Variants in PEBP4 observed in about 807,000 individuals in gnomAD.
The protein encoded by PEBP4 is phosphatidylethanolamine-binding protein 4.
Under a neutral mutation model 23.9 loss-of-function variants are expected in PEBP4, and 22 were observed. The ratio of observed to expected loss-of-function variants is 0.92; its 90% CI spans 0.66 to 1.31. PEBP4 has a LOEUF of 1.31. Ranked by LOEUF, PEBP4 falls within the 40% of genes most tolerant of loss-of-function variation. The pLI, the probability that PEBP4 is intolerant of heterozygous loss-of-function variation, is 0.00. For missense variants in PEBP4, 324 were observed against 281.7 expected, an observed-to-expected ratio of 1.15 and a Z score of -1.07; for synonymous variants, 112 against 99.3, an observed-to-expected ratio of 1.13 and a Z score of -0.76.
At chr8:22,831,531 T>C (rs1287089269) in intron 3 of PEBP4, among the ~76,000 whole-genome samples, 1 of 152,176 alleles carries the variant, frequency 6.6e-6, no homozygotes, top group East Asian at 1.9e-4. Flanking sequence ...CTAAGCACCA[T>C]GCTAAGGGCT....
At chr8:22,821,509 C>T (rs1325099374) in intron 3 of PEBP4, among the ~76,000 whole-genome samples, 1 of 152,108 alleles carries the variant, frequency 6.6e-6, no homozygotes, top group Non-Finnish European at 1.5e-5. Flanking sequence ...GACAGTGAGG[C>T]AGTGAGTTTG....
intron 3 of PEBP4, among the ~76,000 whole-genome samples, chr8:22,903,391 T>C (rs1808748815): frequency 1.3e-5 from 2 of 152,166 alleles, no homozygotes; most frequent in Non-Finnish European, 2.9e-5. Context: ...GTCTGGCACA[T>C]GTCAGTGTGT....
At chr8:22,925,632 G>C (rs1809310967) in intron 2 of PEBP4, among the ~76,000 whole-genome samples, 1 of 152,306 alleles carries the variant, frequency 6.6e-6, no homozygotes, top group South Asian at 2.1e-4. Context: ...ACCAACATGT[G>C]ATCTTGGCAG....
At chr8:22,901,448 A>C (rs567340996) in intron 3 of PEBP4, among the ~76,000 whole-genome samples, 1 of 152,256 alleles carries the variant, frequency 6.6e-6, no homozygotes, top group Admixed American at 6.5e-5. Context: ...TCGGTCCTGC[A>C]GGGAGTGTGT....
chr8:22,817,479 G>A (rs1806767374), intron 4 of PEBP4, among the ~76,000 whole-genome samples, 158 bp downstream of exon 4: 1 of 152,170 alleles, frequency 6.6e-6, no homozygotes, highest in South Asian at 2.1e-4. Flanking sequence ...TGAAATTGTT[G>A]GAAAACTTGG....
Position 22,839,575 on chromosome 8 carries a change from G to A in PEBP4, c.259-21840C>T, listed in dbSNP as rs190229146. On this transcript the variant is annotated intron_variant, in intron 3 of 6. Transcript: ENST00000256404. ...ACAACATAGTGAGGGTTCTTCTGGCGAAAAGGACTACAAGGGATGATGAAG... is the reference window on the plus strand; with the variant it reads ...ACAACATAGTGAGGGTTCTTCTGGCAAAAAGGACTACAAGGGATGATGAAG... Among the ~76,000 whole-genome samples the A allele has an allele frequency of 9.8e-4, 150 of 152,302 alleles. 1 individual carries two copies. Among genetic ancestry groups the A allele is most frequent in the African/African-American group, 3.2e-3 (135 of 41,558 alleles).
At chr8:22,916,656 A>ATTCC (rs1248326841) in intron 3 of PEBP4, among the ~76,000 whole-genome samples, 4 of 152,004 alleles carry the variant, frequency 2.6e-5, no homozygotes, top group African/African-American at 7.3e-5. Flanking sequence ...TCATTCATTC[A>ATTCC]TTCATTCATT....
chr8:22,773,495 C>T (rs1805756404), intron 4 of PEBP4, among the ~76,000 whole-genome samples: 1 of 152,140 alleles, frequency 6.6e-6, no homozygotes. Context: ...GATTTCTCAG[C>T]AGGCTCCTGG....
At chr8:22,847,625 AAG>A (rs1397169509) in intron 3 of PEBP4, among the ~76,000 whole-genome samples, 1 of 152,152 alleles carries the variant, frequency 6.6e-6, no homozygotes, top group Non-Finnish European at 1.5e-5. Context: ...TTCATGAGGC[AAG>A]AGAGAGTCAC....
At chr8:22,876,737 TC>T (rs1195463486) in intron 3 of PEBP4, among the ~76,000 whole-genome samples, 3 of 152,226 alleles carry the variant, frequency 2.0e-5, no homozygotes, top group African/African-American at 7.2e-5. Context: ...GGAATTATTT[TC>T]TCCACTGTTT....
chr8:22,839,907 G>A (rs560736641), intron 3 of PEBP4, among the ~76,000 whole-genome samples: 23 of 152,308 alleles, frequency 1.5e-4, no homozygotes, highest in Non-Finnish European at 3.1e-4. Flanking sequence ...CTTTTTAGGA[G>A]TGAACTTGTT....
intron 3 of PEBP4, among the ~76,000 whole-genome samples, chr8:22,834,523 G>A (rs189171418): frequency 5.3e-5 from 8 of 152,322 alleles, no homozygotes; most frequent in East Asian, 1.9e-4. Context: ...TGAGAAAGAG[G>A]TATTGTGCAG....
chr8:22,748,587 C>T (rs140356184), intron 4 of PEBP4, among the ~76,000 whole-genome samples: 241 of 150,970 alleles, frequency 1.6e-3, no homozygotes, highest in African/African-American at 5.6e-3. Flanking sequence ...CTAGGTTGCA[C>T]ATGATGAGGG....
At chr8:22,717,663 T>C (rs957431443) in intron 6 of PEBP4, among the ~76,000 whole-genome samples, 1 of 152,196 alleles carries the variant, frequency 6.6e-6, no homozygotes, top group Admixed American at 6.5e-5. Flanking sequence ...GGCCACTGGT[T>C]CTGGCTCCGG....
At chr8:22,916,907 G>C (rs1364910045) in intron 3 of PEBP4, among the ~76,000 whole-genome samples, 1 of 152,224 alleles carries the variant, frequency 6.6e-6, no homozygotes, top group Non-Finnish European at 1.5e-5. Flanking sequence ...TAAAAGCACA[G>C]AGAAAGAAAA....
intron 4 of PEBP4, among the ~76,000 whole-genome samples, chr8:22,782,471 A>G (rs982787772): frequency 6.6e-6 from 1 of 152,168 alleles, no homozygotes; most frequent in Non-Finnish European, 1.5e-5. Context: ...CGACCCATCC[A>G]TTAGAGAGTT....
chr8:22,785,796 G>A (rs1806015956), intron 4 of PEBP4, among the ~76,000 whole-genome samples: 1 of 152,200 alleles, frequency 6.6e-6, no homozygotes, highest in Non-Finnish European at 1.5e-5. Flanking sequence ...AATAGAGGAG[G>A]AAAAGAGCAG....
At chr8:22,812,256 C>A (rs1170543241) in intron 4 of PEBP4, among the ~76,000 whole-genome samples, 1 of 152,138 alleles carries the variant, frequency 6.6e-6, no homozygotes, top group Non-Finnish European at 1.5e-5. Flanking sequence ...AAGCAGGGAG[C>A]CATAATTCTT....
At chr8:22,898,797 G>A (rs1481489206) in intron 3 of PEBP4, among the ~76,000 whole-genome samples, 3 of 152,288 alleles carry the variant, frequency 2.0e-5, no homozygotes, top group Admixed American at 2.0e-4. Context: ...TGAGGGGCAG[G>A]GCAGGTTGCG....
Sources: allele counts gnomAD v4.1 joint callset (sites outside exome capture counted in the v4.1 genomes callset), GRCh38; gene constraint gnomAD v4.1.1; transcripts MANE v1.5; gene names NCBI Gene and HGNC (gene_info 2026-07-23, HGNC 2026-07-21).